The following EVC2 variants were observed in gnomAD, a reference collection of about 807,000 sequenced individuals.
The protein encoded by EVC2 is limbin.
A neutral mutation model predicts 149.3 loss-of-function variants in EVC2; 148 were observed. The observed-to-expected ratio is 0.99, with a 90% CI of 0.87 to 1.14. The LOEUF is 1.14. Ranked by LOEUF, EVC2 falls within the 50% of genes most tolerant of loss-of-function variation. EVC2 has a pLI of 0.00. For synonymous variants in EVC2, 776 were observed against 649.9 expected (o/e 1.19, Z -2.95); for missense variants, 1,854 against 1,627.3 (o/e 1.14, Z -2.40).
Position 5,562,615 on chromosome 4 carries a change from G to C in EVC2, c.*233C>G. Reference sequence around the variant, plus strand: ...TCCTCCAGGGCCCTGGGGAGGTGGGGCTGAAAGAAGGAGTGTTTATGTCCT... The same window carrying C: ...TCCTCCAGGGCCCTGGGGAGGTGGGCCTGAAAGAAGGAGTGTTTATGTCCT... On this transcript the variant is annotated 3_prime_UTR_variant, in exon 22 of 22. Coordinates refer to ENST00000344408, the MANE Select transcript of EVC2 (RefSeq NM_147127.5). This position sits in a 1 kb window ranked among gnomAD's most constrained non-coding sequence, Gnocchi z 4.3. 2.1e-6 allele frequency: 3 copies of C among 1,403,666 alleles called. No individual in the cohort carries two copies. The highest frequency in any genetic ancestry group is 1.5e-5 in the South Asian group (1 of 66,398). 87.0% of individuals were successfully genotyped at this position (1,403,666 alleles called of 1,614,324 possible).
chr4:5,599,488 G>A (rs915473580), intron 16 of EVC2, among the ~76,000 whole-genome samples: 15 of 151,940 alleles, frequency 9.9e-5, no homozygotes, highest in South Asian at 2.1e-4. Context: ...ACCAAACACC[G>A]TATATTCTCA....
Position 5,568,477 on chromosome 4 carries a change from C to A in EVC2, c.3524G>T (p.Gly1175Val), listed in dbSNP as rs931547972. Residue 1175 changes from glycine to valine, a missense_variant, in exon 20 of 22, where the codon GGC (glycine) becomes GTC (valine). Physicochemically the swap from Gly to Val is moderately radical, Grantham distance 109. Coordinates refer to ENST00000344408, the MANE Select transcript of EVC2 (RefSeq NM_147127.5). Reference sequence around the variant, plus strand: ...GCCCACGTCGGCCTGCTCCGCTCCGCCATCGCTCTCAGCTGCGTGGTCCAC... The same window carrying A: ...GCCCACGTCGGCCTGCTCCGCTCCGACATCGCTCTCAGCTGCGTGGTCCAC... ...RHVDHAAESD[G>V]GAEQADVGRR... is the part of the protein sequence containing the mutation. 4 of 1,577,474 alleles carry A rather than the reference C, an allele frequency of 2.5e-6. No individual in the cohort carries two copies. In the African/African-American group the frequency reaches 5.4e-5, roughly 21 times the overall value.
chr4:5,698,186 T>C (rs1721606244), intron 1 of EVC2, among the ~76,000 whole-genome samples: 1 of 152,244 alleles, frequency 6.6e-6, no homozygotes, highest in African/African-American at 2.4e-5. Context: ...TTCTGGGAGC[T>C]GTCAAGGGAG....
chr4:5,605,459 G>A (rs1714314763), intron 16 of EVC2, among the ~76,000 whole-genome samples: 1 of 152,182 alleles, frequency 6.6e-6, no homozygotes, highest in Non-Finnish European at 1.5e-5. Context: ...TTGTTCAAGG[G>A]TCAGATAGAC....
intron 1 of EVC2, among the ~76,000 whole-genome samples, chr4:5,699,956 C>T (rs1157907849): frequency 6.6e-6 from 1 of 152,128 alleles, no homozygotes; most frequent in Non-Finnish European, 1.5e-5. Flanking sequence ...GTCTGGCCCA[C>T]ATGGTGAAAC....
rs561489274 is a variant in EVC2, at chr4:5,647,760, C to G, written c.1146-6922G>C. 2.0e-4 allele frequency among the ~76,000 whole-genome samples: 30 copies of G among 152,178 alleles called. 1 individual carries two copies. ...AGCCTAATCCCCAGAACTGCAAACACGTTAGGTTTCATGGCAAAGGGGAAT... is the reference window on the plus strand; with the variant it reads ...AGCCTAATCCCCAGAACTGCAAACAGGTTAGGTTTCATGGCAAAGGGGAAT... On this transcript the variant is annotated intron_variant, in intron 9 of 21. Coordinates refer to ENST00000344408, the MANE Select transcript of EVC2 (RefSeq NM_147127.5).
intron 10 of EVC2, among the ~76,000 whole-genome samples, chr4:5,639,195 G>T (rs1010154788): frequency 1.3e-5 from 2 of 152,130 alleles, no homozygotes; most frequent in African/African-American, 4.8e-5. Flanking sequence ...TCCATAGATG[G>T]CCACAGTCTG....
rs146121189 is a variant in EVC2 at position 5,575,366 on chromosome 4, T to A, written c.3273-594A>T. ...CCTCCAGGAGCATATGAATACTATATGCCCTAAAATCCCAGGCTAAATCAA... is the reference window on the plus strand; with the variant it reads ...CCTCCAGGAGCATATGAATACTATAAGCCCTAAAATCCCAGGCTAAATCAA... On this transcript the variant is annotated intron_variant, in intron 18 of 21. Coordinates refer to ENST00000344408, the MANE Select transcript of EVC2 (RefSeq NM_147127.5). 2.0e-5 allele frequency among the ~76,000 whole-genome samples: 3 copies of A among 152,356 alleles called. No individual in the cohort carries two copies. The East Asian group carries it at 5.8e-4, about 29-fold the overall frequency.
At chr4:5,698,294 C>T (rs143102536) in intron 1 of EVC2, among the ~76,000 whole-genome samples, 1 of 152,136 alleles carries the variant, frequency 6.6e-6, no homozygotes, top group Non-Finnish European at 1.5e-5. Flanking sequence ...GGTAAGCCAA[C>T]AGCCTGCGAA....
At chr4:5,650,800 T>C (rs1175037099) in intron 9 of EVC2, among the ~76,000 whole-genome samples, 1 of 151,908 alleles carries the variant, frequency 6.6e-6, no homozygotes, top group African/African-American at 2.4e-5. Context: ...ATGACAGAAC[T>C]GGGATTTGAA....
intron 19 of EVC2, among the ~76,000 whole-genome samples, chr4:5,572,037 G>A (rs1352095000): frequency 6.6e-6 from 1 of 152,156 alleles, no homozygotes; most frequent in Non-Finnish European, 1.5e-5. Flanking sequence ...CCACAATCAC[G>A]GCAGCCAATT....
At chr4:5,650,632 TATATATAGAG>T (rs1400122433) in intron 9 of EVC2, among the ~76,000 whole-genome samples, 231 of 61,458 alleles carry the variant, frequency 3.8e-3, no homozygotes, top group African/African-American at 5.8e-3. Context: ...TATATATATA[TATATATAGAG>T]AGAGAGAGAG....
chr4:5,609,992 C>T (rs979352839), intron 16 of EVC2, among the ~76,000 whole-genome samples: 3 of 152,122 alleles, frequency 2.0e-5, no homozygotes, highest in African/African-American at 4.8e-5. Context: ...AGGCACAGGT[C>T]AGTATAGCAG....
chr4:5,616,830 C>T (rs1379456420), intron 15 of EVC2, among the ~76,000 whole-genome samples: 1 of 152,186 alleles, frequency 6.6e-6, no homozygotes. Flanking sequence ...CATCTGCCTC[C>T]TCTGAGGCAG....
chr4:5,689,133 G>T, intron 5 of EVC2, 24 bp downstream of exon 5: 2 of 1,613,130 alleles, frequency 1.2e-6, no homozygotes, highest in South Asian at 2.2e-5. Context: ...TGTCATCCCT[G>T]ACTTCAGAAC....
intron 8 of EVC2, among the ~76,000 whole-genome samples, chr4:5,663,886 A>C (rs1365927286): frequency 6.6e-6 from 1 of 152,104 alleles, no homozygotes; most frequent in Non-Finnish European, 1.5e-5. Context: ...GCGCCACTGC[A>C]CTCCATCCTG....
intron 9 of EVC2, among the ~76,000 whole-genome samples, chr4:5,650,638 T>TAGAGAGAGAGAGAGAG (rs375595646): frequency 2.9e-4 from 13 of 45,104 alleles, no homozygotes; most frequent in Non-Finnish European, 4.4e-4. Flanking sequence ...TATATATATA[T>TAGAGAGAGAGAGAGAG]AGAGAGAGAG....
intron 9 of EVC2, among the ~76,000 whole-genome samples, chr4:5,643,504 T>G (rs1717489655): frequency 6.6e-6 from 1 of 152,244 alleles, no homozygotes; most frequent in African/African-American, 2.4e-5. Context: ...AAACTTATAT[T>G]AAATTTGCAT....
chr4:5,574,114 G>T (rs1722783170), intron 19 of EVC2, among the ~76,000 whole-genome samples: 1 of 152,196 alleles, frequency 6.6e-6, no homozygotes, highest in South Asian at 2.1e-4. Context: ...TGTATTTCCT[G>T]CTACTTACAG....
Sources: allele counts gnomAD v4.1 joint callset (sites outside exome capture counted in the v4.1 genomes callset), GRCh38; gene constraint gnomAD v4.1.1; non-coding constraint Gnocchi (gnomAD v3.1); transcripts MANE v1.5; gene names NCBI Gene and HGNC (gene_info 2026-07-23, HGNC 2026-07-21).